PDCD11: variants seen among roughly 807,000 people sequenced by gnomAD.
The protein encoded by PDCD11 is programmed cell death 11.
PDCD11 carries 97 observed loss-of-function variants against 198.9 expected under a neutral mutation model. The observed-to-expected ratio is 0.49, with a 90% CI of 0.41 to 0.58. The LOEUF is 0.58. Among genes scored for constraint, PDCD11 ranks in the 20% least tolerant of loss-of-function variants. PDCD11 has a pLI of 0.00. For missense variants in PDCD11, 2,102 were observed against 2,312.7 expected, an observed-to-expected ratio of 0.91 and a Z score of 1.87; for synonymous variants, 893 against 918.0, an observed-to-expected ratio of 0.97 and a Z score of 0.49.
chr10:103,412,136 T>A (rs2030839098), intron 8 of PDCD11, among the ~76,000 whole-genome samples: 1 of 150,050 alleles, frequency 6.7e-6, no homozygotes, highest in South Asian at 2.1e-4. Flanking sequence ...CCTCCCAAAG[T>A]GGTGCATGCC....
rs1421360073 is a variant in PDCD11, at chr10:103,421,355, G to A, written c.2285G>A (p.Ser762Asn). The A allele has an allele frequency of 2.5e-6, 4 of 1,606,226 alleles. No individual in the cohort carries two copies. Among genetic ancestry groups the A allele is most frequent in the Non-Finnish European group, 2.6e-6 (3 of 1,175,990 alleles). Reference protein sequence around the residue: ...LSGLAPKAIMSDKFVTSTSDH... With the variant: ...LSGLAPKAIMNDKFVTSTSDH... ...GCCTGTTCTTCTGTTCAGATCATGA[G>A]TGACAAATTTGTGACCTCCACAAGT... The change falls in exon 17 of 36, where the codon AGT becomes AAT. Residue 762 changes from serine (S) to asparagine (N), a missense_variant. Physicochemically the swap from Ser to Asn is conservative, Grantham distance 46. Coordinates refer to ENST00000369797, the MANE Select transcript of PDCD11 (RefSeq NM_014976.2).
intron 8 of PDCD11, among the ~76,000 whole-genome samples, chr10:103,410,072 TA>T (rs1159392044): frequency 6.6e-6 from 1 of 152,110 alleles, no homozygotes; most frequent in Non-Finnish European, 1.5e-5. Flanking sequence ...CCGTCTCTAC[TA>T]AAAATACAAA....
At chr10:103,408,748 C>T (rs1232730164) in intron 7 of PDCD11, among the ~76,000 whole-genome samples, 1 of 152,082 alleles carries the variant, frequency 6.6e-6, no homozygotes, top group Non-Finnish European at 1.5e-5. Context: ...CTGTGTTGGC[C>T]AGGCTGGTCT....
intron 13 of PDCD11, 131 bp downstream of exon 13, chr10:103,416,873 C>A: frequency 9.8e-7 from 1 of 1,018,798 alleles, no homozygotes; most frequent in Non-Finnish European, 1.4e-6. Context: ...GGGTGTGAGC[C>A]GGCTAAATGG....
intron 8 of PDCD11, among the ~76,000 whole-genome samples, chr10:103,411,075 T>TAAA (rs775346957): frequency 8.1e-5 from 11 of 135,302 alleles, no homozygotes; most frequent in Non-Finnish European, 6.4e-5. Context: ...ACTCTGTCTT[T>TAAA]AAAAAAAAAA....
At position 103,409,717 on chromosome 10, in the gene PDCD11, A is replaced by G. The variant is rs771685799; in HGVS notation, c.889A>G (p.Thr297Ala). 1.2e-6 allele frequency: 2 copies of G among 1,613,868 alleles called. No homozygotes were observed. Among genetic ancestry groups the G allele is most frequent in the South Asian group, 2.2e-5 (2 of 91,078 alleles). The stretch of plus-strand genomic sequence containing the variant: ...TTTCTAGGTGACTCCATTTGGCCTT[A>G]CGCTAAACTTCCTCACATTCTTCAC... The part of the protein sequence containing the change: ...QVQKVTPFGL[T>A]LNFLTFFTGV... Residue 297 changes from threonine (T) to alanine (A), a missense_variant, in exon 8 of 36, where the codon ACG (threonine) becomes GCG (alanine). By Grantham distance (58) the Thr-to-Ala change is moderately conservative. Coordinates refer to ENST00000369797, the MANE Select transcript of PDCD11 (RefSeq NM_014976.2).
chr10:103,423,572 A>G lies in PDCD11; in HGVS notation c.2677A>G (p.Lys893Glu), dbSNP rs758615447. 3 of 1,613,970 alleles carry G rather than the reference A, an allele frequency of 1.9e-6. No homozygotes were observed. The highest frequency in any genetic ancestry group is 1.6e-4 in the Middle Eastern group (1 of 6,062). Reference sequence around the variant, plus strand: ...GGAGGTGGAATCTGGGCAGAAAAAGAAGGTTGTTATCTTAAATGTTGATCT... The same window carrying G: ...GGAGGTGGAATCTGGGCAGAAAAAGGAGGTTGTTATCTTAAATGTTGATCT... ...GQEVESGQKK[K>E]VVILNVDLLK... The change falls in exon 19 of 36, where the codon AAG (lysine) becomes GAG (glutamate). Residue 893 changes from lysine (K) to glutamate (E), a missense_variant. By Grantham distance (56) the Lys-to-Glu change is moderately conservative. Coordinates refer to ENST00000369797, the MANE Select transcript of PDCD11 (RefSeq NM_014976.2).
intron 3 of PDCD11, 31 bp downstream of exon 3, chr10:103,400,559 T>C (rs2029967794): frequency 6.9e-6 from 11 of 1,596,236 alleles, no homozygotes; most frequent in Non-Finnish European, 8.5e-6. Context: ...ATTTAAACAA[T>C]CGACCTTGGT....
intron 24 of PDCD11, 95 bp downstream of exon 24, chr10:103,434,445 G>A (rs546770138): frequency 1.3e-5 from 10 of 797,826 alleles, no homozygotes; most frequent in Non-Finnish European, 2.1e-5. Flanking sequence ...GGACCCCTTC[G>A]GTATTGGAAT....
rs1395827788 is a variant in PDCD11, at chr10:103,413,845, GCAAT to G, written c.1186-117_1186-114del. ...TTAGTGTGAAGAATTACTTAACCAG[GCAAT>G]CAAAGTACTGTTTTTATGGTACATG... On this transcript the variant is annotated intron_variant, in intron 9 of 35. Coordinates refer to ENST00000369797, the MANE Select transcript of PDCD11 (RefSeq NM_014976.2). 3 of 914,688 alleles carry G rather than the reference GCAAT, an allele frequency of 3.3e-6. No individual in the cohort carries two copies. In the African/African-American group the frequency reaches 5.0e-5, roughly 15 times the overall value. The allele number at this position is 914,688 out of a possible 1,614,324, so 56.7% of individuals were successfully genotyped here.
At chr10:103,437,954 A>T in intron 25 of PDCD11, 61 bp from the exon 26 acceptor site, 1 of 1,354,786 alleles carries the variant, frequency 7.4e-7, no homozygotes, top group Non-Finnish European at 1.1e-6. Context: ...GGAAGCTGAG[A>T]CCCTTTGCTG....
intron 4 of PDCD11, among the ~76,000 whole-genome samples, chr10:103,404,434 G>A (rs540192685): frequency 6.6e-6 from 1 of 151,998 alleles, no homozygotes; most frequent in South Asian, 2.1e-4. Flanking sequence ...GAGTAGCTGG[G>A]ATTACAGGCA....
chr10:103,440,799 G>T lies in PDCD11; in HGVS notation c.4506G>T (p.Val1502=), dbSNP rs757465529. ...AGGAGGACGACAGCCTTGTGGACGT[G>T]TACTATCGGGAGGGAAAAGAGGAGG... ...LSEEDDSLVD[V]YYREGKEEAE... The change falls in exon 30 of 36, where the codon GTG becomes GTT. Residue 1502 remains valine (V), a synonymous_variant. Coordinates refer to ENST00000369797, the MANE Select transcript of PDCD11 (RefSeq NM_014976.2). The T allele has an allele frequency of 1.9e-6, 3 of 1,614,124 alleles. No individual in the cohort carries two copies. The highest frequency in any genetic ancestry group is 3.3e-5 in the Admixed American group (2 of 60,016).
intron 3 of PDCD11, 32 bp from the exon 4 acceptor site, chr10:103,403,086 T>G (rs755351493): frequency 1.2e-6 from 2 of 1,605,534 alleles, no homozygotes; most frequent in Admixed American, 3.3e-5. Context: ...GTTCCCATCC[T>G]TATTGTACAC....
At chr10:103,425,588 G>T (rs2031661098) in intron 20 of PDCD11, 63 bp downstream of exon 20, 1 of 1,456,068 alleles carries the variant, frequency 6.9e-7, no homozygotes, top group Non-Finnish European at 9.4e-7. Context: ...GGAGGACTGG[G>T]AAAGTAGGTG....
At chr10:103,439,947 G>A in intron 28 of PDCD11, 79 bp downstream of exon 28, 1 of 1,542,648 alleles carries the variant, frequency 6.5e-7, no homozygotes, top group Non-Finnish European at 8.9e-7. Context: ...GGAGATTTCA[G>A]GGTGAACTGT....
At chr10:103,422,764 T>G (rs2031510822) in intron 17 of PDCD11, among the ~76,000 whole-genome samples, 1 of 152,176 alleles carries the variant, frequency 6.6e-6, no homozygotes, top group African/African-American at 2.4e-5. Context: ...TGTTGGCTAC[T>G]CCCATGAATT....
chr10:103,416,019 G>T (rs2031087911), intron 12 of PDCD11, among the ~76,000 whole-genome samples: 1 of 152,182 alleles, frequency 6.6e-6, no homozygotes, highest in Non-Finnish European at 1.5e-5. Context: ...TGGGATCAAG[G>T]GTTAAAAATA....
In PDCD11 at chr10:103,432,366, A is replaced by G. The variant is rs2031972368; in HGVS notation, c.3474+132A>G. On this transcript the variant is annotated intron_variant, in intron 22 of 35. Transcript: ENST00000369797. ...CTACCATGCTGGGTTTGTGGGAGAC[A>G]GTACGTGGCCTCTGCCACTAGAGAA... 3 of 665,644 alleles carry G rather than the reference A, an allele frequency of 4.5e-6. No individual in the cohort carries two copies. The South Asian group carries it at 5.1e-5, about 11-fold the overall frequency. 41.2% of individuals were successfully genotyped at this position (665,644 alleles called of 1,614,324 possible).
Sources: gnomAD v4.1 joint callset for allele counts (sites outside exome capture counted in the v4.1 genomes callset) on GRCh38, gnomAD v4.1.1 for gene constraint, MANE v1.5 for transcripts, NCBI Gene and HGNC (gene_info 2026-07-23, HGNC 2026-07-21) for gene names.